SLC35F1: variants seen among roughly 807,000 people sequenced by gnomAD.
SLC35F1 encodes the protein chromosome 6 open reading frame 169.
A neutral mutation model predicts 48.7 loss-of-function variants in SLC35F1; 14 were observed. That is an observed-to-expected ratio of 0.29 (90% CI 0.19 to 0.45). SLC35F1 has a LOEUF of 0.45. SLC35F1 is among the 20% of genes least tolerant of loss of function. The pLI, the probability that SLC35F1 is intolerant of heterozygous loss-of-function variation, is 1.00. For synonymous variants in SLC35F1, 190 were observed against 202.2 expected (o/e 0.94, Z 0.51); for missense variants, 404 against 500.0 (o/e 0.81, Z 1.83).
At chr6:117,933,477 A>G (rs1776126448) in intron 1 of SLC35F1, among the ~76,000 whole-genome samples, 1 of 152,232 alleles carries the variant, frequency 6.6e-6, no homozygotes, top group Non-Finnish European at 1.5e-5. Flanking sequence ...AGTGGTTGCC[A>G]TAGTAATTAA....
At chr6:118,041,306 C>T (rs1255908051) in intron 1 of SLC35F1, among the ~76,000 whole-genome samples, 2 of 152,108 alleles carry the variant, frequency 1.3e-5, no homozygotes, top group African/African-American at 4.8e-5. Flanking sequence ...TTAAAGATAT[C>T]TTATAAATTT....
chr6:118,119,511 C>CT (rs1243496744), intron 1 of SLC35F1, among the ~76,000 whole-genome samples: 31 of 115,252 alleles, frequency 2.7e-4, no homozygotes, highest in South Asian at 3.5e-4. Flanking sequence ...CTCCACCCCG[C>CT]TTTTTTTTTT....
chr6:118,137,757 G>A (rs1241700593), intron 1 of SLC35F1, among the ~76,000 whole-genome samples: 1 of 152,148 alleles, frequency 6.6e-6, no homozygotes, highest in African/African-American at 2.4e-5. Context: ...CTACAGGTCT[G>A]CAACCTCCCC....
At chr6:118,286,896 G>A (rs1562351448) in intron 7 of SLC35F1, among the ~76,000 whole-genome samples, 1 of 151,992 alleles carries the variant, frequency 6.6e-6, no homozygotes, top group East Asian at 1.9e-4. Flanking sequence ...CATGCTGTAT[G>A]TTAGGTCTCC....
intron 1 of SLC35F1, among the ~76,000 whole-genome samples, chr6:117,944,056 G>A (rs1326420740): frequency 6.6e-6 from 1 of 152,048 alleles, no homozygotes; most frequent in Non-Finnish European, 1.5e-5. Context: ...AAAAATTGAT[G>A]GTTTCATTGT....
intron 1 of SLC35F1, among the ~76,000 whole-genome samples, chr6:118,069,474 TATGTCTAAGATC>T (rs1409275461): frequency 3.3e-5 from 5 of 152,168 alleles, no homozygotes; most frequent in Non-Finnish European, 5.9e-5. Flanking sequence ...TCTCCTGGAA[TATGTCTAAGATC>T]AGGCCCCTAA....
At chr6:118,304,397 A>AAG (rs35310449) in intron 7 of SLC35F1, among the ~76,000 whole-genome samples, 103,551 of 149,724 alleles carry the variant, frequency 0.69, 36,449 homozygotes, top group Middle Eastern at 0.8. Context: ...AAGAAAAGAA[A>AAG]AGAAGAAGAA....
chr6:117,917,728 TGGAGTGTGGAATTCTGG>T (rs72003614), intron 1 of SLC35F1, among the ~76,000 whole-genome samples: 43,846 of 133,846 alleles, frequency 0.33, 6,516 homozygotes, highest in Middle Eastern at 0.41. Flanking sequence ...AAAAGAAAGC[TGGAGTGTGGAATTCTGG>T]GGAGAAGTCG....
chr6:118,287,469 G>C lies in SLC35F1; in HGVS notation c.1002+2131G>C, dbSNP rs147230904. ...TGCTGAGGGCTGCAGTCACTGCTTG[G>C]GCAGTTCAGACCCAGGCCAGCTCCC... On this transcript the variant is annotated intron_variant, in intron 7 of 7. Transcript: ENST00000360388. 2.0e-3 allele frequency among the ~76,000 whole-genome samples: 304 copies of C among 152,218 alleles called. 6 individuals are homozygous for C. Among genetic ancestry groups the C allele is most frequent in the East Asian group, 0.011 (59 of 5,182 alleles).
intron 1 of SLC35F1, among the ~76,000 whole-genome samples, chr6:117,964,166 A>G (rs1776531378): frequency 6.6e-6 from 1 of 152,162 alleles, no homozygotes; most frequent in African/African-American, 2.4e-5. Flanking sequence ...ATTCCTTTTT[A>G]TGGCTGCATA....
In SLC35F1 at chr6:118,155,579, A is replaced by G. The variant is rs528074950; in HGVS notation, c.349+959A>G. Among the ~76,000 whole-genome samples, 23 of 152,266 alleles carry G rather than the reference A, an allele frequency of 1.5e-4. No individual in the cohort carries two copies. In the South Asian group the frequency reaches 4.6e-3, roughly 30 times the overall value. On this transcript the variant is annotated intron_variant, in intron 2 of 7. Transcript: ENST00000360388. ...AACCTTGGACTTCCCAGCCTCCAGA[A>G]CCATAAGAAATAAATCTCTGTTCTT...
At chr6:118,226,253 G>A (rs80303723) in intron 2 of SLC35F1, among the ~76,000 whole-genome samples, 316 of 152,316 alleles carry the variant, frequency 2.1e-3, no homozygotes, top group Middle Eastern at 0.02. Context: ...CTTGTACAGT[G>A]TTGGTAGGAA....
intron 6 of SLC35F1, among the ~76,000 whole-genome samples, chr6:118,278,330 A>C (rs1775942851): frequency 6.6e-6 from 1 of 151,854 alleles, no homozygotes; most frequent in Non-Finnish European, 1.5e-5. Context: ...GGGGCTACAG[A>C]CTCTTCCCCA....
intron 1 of SLC35F1, among the ~76,000 whole-genome samples, chr6:118,043,629 C>G (rs371518635): frequency 2.0e-5 from 3 of 152,098 alleles, no homozygotes; most frequent in African/African-American, 7.2e-5. Context: ...GATTTCCCCA[C>G]GTTTGTATAT....
chr6:118,193,269 T>G (rs971317569), intron 2 of SLC35F1, among the ~76,000 whole-genome samples: 2 of 152,172 alleles, frequency 1.3e-5, no homozygotes, highest in Admixed American at 1.3e-4. Flanking sequence ...GTCAAAAGGT[T>G]TATTCTCATA....
At chr6:118,258,773 G>C (rs1340971964) in intron 3 of SLC35F1, among the ~76,000 whole-genome samples, 4 of 151,864 alleles carry the variant, frequency 2.6e-5, no homozygotes, top group Non-Finnish European at 5.9e-5. Context: ...ATATTGCAGA[G>C]CAACAAGAAA....
chr6:118,243,905 A>C (rs1775471931), intron 3 of SLC35F1, among the ~76,000 whole-genome samples: 1 of 152,250 alleles, frequency 6.6e-6, no homozygotes, highest in Non-Finnish European at 1.5e-5. Flanking sequence ...CTTAAAGTAC[A>C]TTAAAAGGCA....
intron 2 of SLC35F1, among the ~76,000 whole-genome samples, chr6:118,177,397 G>C (rs1334780560): frequency 1.3e-5 from 2 of 151,958 alleles, no homozygotes; most frequent in African/African-American, 4.8e-5. Context: ...AAACTTACTG[G>C]AATGGCCAAG....
chr6:118,144,137 C>T (rs929170256), intron 1 of SLC35F1, among the ~76,000 whole-genome samples: 3 of 152,070 alleles, frequency 2.0e-5, no homozygotes, highest in African/African-American at 7.2e-5. Flanking sequence ...TACATTCATG[C>T]GTATGTTCAG....
Sources: allele counts gnomAD v4.1 joint callset (sites outside exome capture counted in the v4.1 genomes callset), GRCh38; gene constraint gnomAD v4.1.1; transcripts MANE v1.5; gene names NCBI Gene and HGNC (gene_info 2026-07-23, HGNC 2026-07-21).